Variants in SPTBN2 observed in about 807,000 individuals in gnomAD.
The protein encoded by SPTBN2 is spectrin beta, non-erythrocytic 2.
SPTBN2 carries 107 observed loss-of-function variants against 284.2 expected under a neutral mutation model. That is an observed-to-expected ratio of 0.38 (90% CI 0.32 to 0.44). The LOEUF (loss-of-function observed/expected upper bound fraction) is 0.44. SPTBN2 is among the 20% of genes least tolerant of loss of function. SPTBN2 has a pLI of 1.00. For missense variants in SPTBN2, 2,569 were observed against 3,287.1 expected (o/e 0.78, Z 5.34); for synonymous variants, 1,289 against 1,354.8 (o/e 0.95, Z 1.07).
chr11:66,701,750 T>A, intron 15 of SPTBN2, 29 bp from the exon 16 acceptor site: 1 of 1,613,968 alleles, frequency 6.2e-7, no homozygotes, highest in Non-Finnish European at 8.5e-7. Flanking sequence ...CAGGCGTGAA[T>A]TGTGGGAGGC....
chr11:66,712,570 GGCT>G (rs1011350420), intron 8 of SPTBN2: 12 of 151,908 alleles, frequency 7.9e-5, no homozygotes, highest in African/African-American at 2.9e-4. Context: ...AGAGCCCAGT[GGCT>G]GTTACTGATC....
chr11:66,726,766 G>C (rs1272938218), intron 1 of SPTBN2, among the ~76,000 whole-genome samples: 1 of 152,244 alleles, frequency 6.6e-6, no homozygotes, highest in Non-Finnish European at 1.5e-5. Context: ...AAATGACAGT[G>C]AGATGAATAA....
chr11:66,688,847 A>G lies in SPTBN2; in HGVS notation c.6037T>C (p.Leu2013=). 6.2e-7 allele frequency: 1 copy of G among 1,611,700 alleles called. No individual in the cohort carries two copies. The highest frequency in any genetic ancestry group is 8.5e-7 in the Non-Finnish European group (1 of 1,179,950). Residue 2013 remains leucine (L), a splice_region_variant and synonymous_variant, in exon 31 of 38, where the codon TTG becomes CTG. Transcript: ENST00000533211. ...QEKMDWLQLV[L]EVLVFGRDAG... ...TCTCTTCCAAACACAAGCACCTCCA[A>G]AACTGGCAGGATCGGGGGTTGCAGG... is the stretch of plus-strand genomic sequence containing the variant.
At chr11:66,686,590 G>C (rs1174032565) in intron 36 of SPTBN2, 150 bp from the exon 37 acceptor site, 3 of 862,762 alleles carry the variant, frequency 3.5e-6, no homozygotes, top group Non-Finnish European at 5.7e-6. Context: ...ACATTCTTCA[G>C]CTTCCCCAGA....
In SPTBN2 at chr11:66,701,280, C is replaced by T; in HGVS notation, c.2819G>A (p.Trp940Ter). Reference protein sequence around the residue: ...VNTQEQLNHRWQQFRRLADGK... With the variant: ...VNTQEQLNHR ...GTCTGCCAGACGCCGAAACTGCTGC[C>T]ACCTGAGAGCAGGGGGAAGGTTCAG... The change falls in exon 17 of 38, where the codon TGG becomes TAG. Residue 940 changes from tryptophan to a stop codon, truncating the protein, a stop_gained and splice_region_variant. Transcript: ENST00000533211. LOFTEE classifies it high-confidence loss of function. 6.2e-7 allele frequency: 1 copy of T among 1,611,948 alleles called. No individual in the cohort carries two copies. The highest frequency in any genetic ancestry group is 8.5e-7 in the Non-Finnish European group (1 of 1,180,020).
In SPTBN2 at chr11:66,687,334, C is replaced by A; in HGVS notation, c.6722+93G>T. On this transcript the variant is annotated intron_variant, in intron 35 of 37. Transcript: ENST00000533211. The surrounding 1 kb of genome is among the most constrained non-coding windows in gnomAD (Gnocchi z 5.2). ...TCTGGTCCCAAGTCCTACCCTTTGC[C>A]CAGAAGATGTACTCTAAAGGGCATC... 6.4e-7 allele frequency: 1 copy of A among 1,567,148 alleles called. No homozygotes were observed. Among genetic ancestry groups the A allele is most frequent in the South Asian group, 1.1e-5 (1 of 90,058 alleles).
Position 66,704,798 on chromosome 11 carries a change from C to T in SPTBN2, c.2478G>A (p.Arg826=), listed in dbSNP as rs1324662576. 1 of 1,604,668 alleles carries T rather than the reference C, an allele frequency of 6.2e-7. No individual in the cohort carries two copies. ...CGTAGTGCCGCTCCAGGGTGGGCACCCGGCTCTGCACCTCGGGCGTGCGGC... is the reference window on the plus strand; with the variant it reads ...CGTAGTGCCGCTCCAGGGTGGGCACTCGGCTCTGCACCTCGGGCGTGCGGC... The part of the protein sequence containing the change: ...TLSRTPEVQS[R]VPTLERHYEE... The change falls in exon 15 of 38, where the codon CGG becomes CGA. Residue 826 remains arginine (R), a synonymous_variant. Transcript: ENST00000533211.
chr11:66,691,752 C>A lies in SPTBN2; in HGVS notation c.5191-94G>T. 1.3e-6 allele frequency: 2 copies of A among 1,569,918 alleles called. No homozygotes were observed. Among genetic ancestry groups the A allele is most frequent in the Non-Finnish European group, 1.7e-6 (2 of 1,154,028 alleles). On this transcript the variant is annotated intron_variant, in intron 26 of 37. Transcript: ENST00000533211. This position sits in a 1 kb window ranked among gnomAD's most constrained non-coding sequence, Gnocchi z 8.0. ...GAGTCCTCCACTCCAAACTCAGAACCCACCTCTCCCCGCTGCATGGGGGCC... is the reference window on the plus strand; with the variant it reads ...GAGTCCTCCACTCCAAACTCAGAACACACCTCTCCCCGCTGCATGGGGGCC...
chr11:66,716,642 A>G lies in SPTBN2; in HGVS notation c.158-661T>C, dbSNP rs190078156. Among the ~76,000 whole-genome samples the G allele has an allele frequency of 3.3e-4, 50 of 152,340 alleles. No individual in the cohort carries two copies. In the East Asian group the frequency reaches 9.1e-3, roughly 28 times the overall value. On this transcript the variant is annotated intron_variant, in intron 3 of 37. Transcript: ENST00000533211. ...AGTGACTTCATTCATCAGAGCCCCAATGTCTCATCTGTAAAATGGGAACAT... is the reference window on the plus strand; with the variant it reads ...AGTGACTTCATTCATCAGAGCCCCAGTGTCTCATCTGTAAAATGGGAACAT...
intron 5 of SPTBN2, 118 bp from the exon 6 acceptor site, chr11:66,714,525 C>A: frequency 1.1e-6 from 1 of 910,166 alleles, no homozygotes; most frequent in Non-Finnish European, 1.8e-6. Context: ...GGTGGACAGG[C>A]ATAGCCTGAG....
At position 66,700,930 on chromosome 11, in the gene SPTBN2, G is replaced by A. The variant is rs781377530; in HGVS notation, c.3169C>T (p.Arg1057Ter). 1.9e-6 allele frequency: 3 copies of A among 1,602,824 alleles called. No individual in the cohort carries two copies. Among genetic ancestry groups the A allele is most frequent in the Admixed American group, 1.7e-5 (1 of 60,014 alleles). ...WEDLRATMRR[R>*]EESLGEARRL... ...CGCGCCTCCCCCAGCGACTCTTCTC[G>A]ACGCCGCATGGTGGCCCTGAGGTCC... is the stretch of plus-strand genomic sequence containing the variant. Residue 1057 changes from arginine to a stop codon, truncating the protein, a stop_gained, in exon 17 of 38, where the codon CGA becomes TGA. Transcript: ENST00000533211. LOFTEE classifies it high-confidence loss of function. The surrounding 1 kb of genome is among the most constrained non-coding windows in gnomAD (Gnocchi z 6.6).
At chr11:66,720,672 T>C (rs748726874) in intron 3 of SPTBN2, among the ~76,000 whole-genome samples, 3 of 151,878 alleles carry the variant, frequency 2.0e-5, no homozygotes, top group Non-Finnish European at 4.4e-5. Context: ...AGGGGAATAA[T>C]AGACTGGGAA....
intron 20 of SPTBN2, among the ~76,000 whole-genome samples, chr11:66,697,495 A>G (rs1244627673): frequency 1.3e-5 from 2 of 152,090 alleles, no homozygotes; most frequent in African/African-American, 2.4e-5. Context: ...CCCTGCACAC[A>G]TTCTGTGCTG....
At chr11:66,736,227 G>T (rs1376942537) in intron 1 of SPTBN2, among the ~76,000 whole-genome samples, 1 of 152,184 alleles carries the variant, frequency 6.6e-6, no homozygotes, top group African/African-American at 2.4e-5. Flanking sequence ...TGGGTTCTCA[G>T]AGCCCCAAGG....
At chr11:66,689,267 ATTT>A in intron 29 of SPTBN2, 87 bp from the exon 30 acceptor site, 1 of 1,335,670 alleles carries the variant, frequency 7.5e-7, no homozygotes, top group Non-Finnish European at 1.0e-6. Flanking sequence ...GGGACAGGTG[ATTT>A]CTTTCTTTCT....
rs2135416910 is a variant in SPTBN2, at chr11:66,701,274, T to C, written c.2825A>G (p.Gln942Arg). The C allele has an allele frequency of 6.2e-7, 1 of 1,612,286 alleles. No homozygotes were observed. The highest frequency in any genetic ancestry group is 8.5e-7 in the Non-Finnish European group (1 of 1,180,024). The change falls in exon 17 of 38, where the codon CAG becomes CGG. Residue 942 changes from glutamine (Q) to arginine (R), a missense_variant. By Grantham distance (43) the Gln-to-Arg change is conservative. Transcript: ENST00000533211. Reference protein sequence around the residue: ...TQEQLNHRWQQFRRLADGKKA... With the variant: ...TQEQLNHRWQRFRRLADGKKA... Reference sequence around the variant, plus strand: ...CTTGCCGTCTGCCAGACGCCGAAACTGCTGCCACCTGAGAGCAGGGGGAAG... The same window carrying C: ...CTTGCCGTCTGCCAGACGCCGAAACCGCTGCCACCTGAGAGCAGGGGGAAG...
chr11:66,683,605 C>G lies in SPTBN2; in HGVS notation c.*2266G>C. ...GAATCATGCCCTGAAGTCCTGCTGCCGCATATGCAGATGCTGCTCGGGGTC... is the reference window on the plus strand; with the variant it reads ...GAATCATGCCCTGAAGTCCTGCTGCGGCATATGCAGATGCTGCTCGGGGTC... On this transcript the variant is annotated 3_prime_UTR_variant, in exon 38 of 38. Coordinates refer to ENST00000533211, the MANE Select transcript of SPTBN2 (RefSeq NM_006946.4). Among the ~76,000 whole-genome samples the G allele has an allele frequency of 6.6e-6, 1 of 152,226 alleles. No individual in the cohort carries two copies.
intron 15 of SPTBN2, among the ~76,000 whole-genome samples, chr11:66,703,560 G>T (rs1008310947): frequency 6.6e-6 from 1 of 152,006 alleles, no homozygotes; most frequent in African/African-American, 2.4e-5. Flanking sequence ...GTGAAACCCT[G>T]TCTCTACTAA....
Position 66,710,539 on chromosome 11 carries a change from G to A in SPTBN2, c.1073+43C>T, listed in dbSNP as rs759891851. On this transcript the variant is annotated intron_variant, in intron 10 of 37. Transcript: ENST00000533211. This position sits in a 1 kb window ranked among gnomAD's most constrained non-coding sequence, Gnocchi z 4.9. ...TGTGCTAATTTAGGCTTCCTCTCGT[G>A]GGAGCACAGCTCAGGGAAGGGTGGG... 2 of 1,600,042 alleles carry A rather than the reference G, an allele frequency of 1.2e-6. No individual in the cohort carries two copies. Among genetic ancestry groups the A allele is most frequent in the South Asian group, 2.2e-5 (2 of 89,260 alleles).
Sources: allele counts gnomAD v4.1 joint callset (sites outside exome capture counted in the v4.1 genomes callset), GRCh38; gene constraint gnomAD v4.1.1; non-coding constraint Gnocchi (gnomAD v3.1); transcripts MANE v1.5; gene names NCBI Gene and HGNC (gene_info 2026-07-23, HGNC 2026-07-21).